Variants in MAD1L1 observed in about 807,000 individuals in gnomAD.
MAD1L1 encodes the protein mitotic arrest deficient 1 like 1, also known as mitotic spindle assembly checkpoint protein MAD1.
A neutral mutation model predicts 96.9 loss-of-function variants in MAD1L1; 95 were observed. The observed-to-expected ratio is 0.98, with a 90% CI of 0.83 to 1.16. The LOEUF is 1.16. Among genes scored for constraint, MAD1L1 ranks in the 50% most tolerant of loss-of-function variants. The pLI, the probability that MAD1L1 is intolerant of heterozygous loss-of-function variation, is 0.00. For synonymous variants in MAD1L1, 473 were observed against 396.6 expected (o/e 1.19, Z -2.29); for missense variants, 1,007 against 954.4 (o/e 1.06, Z -0.73).
At position 1,853,658 on chromosome 7, in the gene MAD1L1, CT is replaced by C. The variant is rs558091572; in HGVS notation, c.1999-37431del. 1.5e-4 allele frequency among the ~76,000 whole-genome samples: 23 copies of C among 152,318 alleles called. No homozygotes were observed. In the South Asian group the frequency reaches 4.3e-3, roughly 29 times the overall value. On this transcript the variant is annotated intron_variant, in intron 18 of 18. Transcript: ENST00000265854. ...CCGCCCTGCACACCCACACGCCTCC[CT>C]CTGCACGGGGGCCCCCTGCCTCTCC... is the stretch of plus-strand genomic sequence containing the variant.
chr7:1,986,843 G>C (rs1003787509), intron 14 of MAD1L1, among the ~76,000 whole-genome samples: 9 of 152,112 alleles, frequency 5.9e-5, no homozygotes, highest in Admixed American at 3.3e-4. Flanking sequence ...TGTAACCTTA[G>C]ACTCATAAGT....
At chr7:1,913,783 C>T (rs534253501) in intron 17 of MAD1L1, among the ~76,000 whole-genome samples, 6 of 152,260 alleles carry the variant, frequency 3.9e-5, no homozygotes, top group African/African-American at 7.2e-5. Flanking sequence ...GCAGGCCGTC[C>T]GGATTCCGTG....
At chr7:1,894,108 G>A (rs1786720037) in intron 18 of MAD1L1, among the ~76,000 whole-genome samples, 1 of 152,192 alleles carries the variant, frequency 6.6e-6, no homozygotes, top group African/African-American at 2.4e-5. Context: ...CTGTCACCAA[G>A]CTTGGTGTCC....
intron 10 of MAD1L1, among the ~76,000 whole-genome samples, chr7:2,173,918 C>T (rs574527158): frequency 6.6e-6 from 1 of 152,310 alleles, no homozygotes; most frequent in East Asian, 1.9e-4. Flanking sequence ...CCTGCCTCAG[C>T]CCTCCGTACC....
intron 11 of MAD1L1, among the ~76,000 whole-genome samples, chr7:2,126,412 G>C (rs1249191671): frequency 2.0e-5 from 3 of 152,208 alleles, no homozygotes; most frequent in African/African-American, 7.2e-5. Flanking sequence ...ATGTGGACCA[G>C]ACCACTGGAG....
At chr7:2,178,044 A>T (rs531560538) in intron 10 of MAD1L1, among the ~76,000 whole-genome samples, 2 of 152,354 alleles carry the variant, frequency 1.3e-5, no homozygotes, top group South Asian at 4.1e-4. Flanking sequence ...AATTAATTAC[A>T]CAGAACTAAA....
chr7:1,825,370 C>T (rs1235866773), intron 18 of MAD1L1, among the ~76,000 whole-genome samples: 5 of 152,222 alleles, frequency 3.3e-5, no homozygotes, highest in African/African-American at 7.2e-5. Context: ...GCCAGGCTGG[C>T]GTCATGGCTG....
chr7:1,855,382 C>A (rs537128753), intron 18 of MAD1L1, among the ~76,000 whole-genome samples: 1 of 152,142 alleles, frequency 6.6e-6, no homozygotes, highest in East Asian at 1.9e-4. Flanking sequence ...TTAAGTTCCG[C>A]TTCCTTCTGC....
intron 11 of MAD1L1, among the ~76,000 whole-genome samples, chr7:2,094,330 A>G (rs980759638): frequency 2.6e-5 from 4 of 152,072 alleles, no homozygotes; most frequent in African/African-American, 9.7e-5. Flanking sequence ...CGGGACACGC[A>G]CTCACCCACA....
chr7:1,859,048 C>T (rs1460114121), intron 18 of MAD1L1, among the ~76,000 whole-genome samples: 4 of 82,578 alleles, frequency 4.8e-5, no homozygotes. Context: ...AGCAGACCTC[C>T]ACACCAAACC....
chr7:2,150,227 C>T (rs1789503490), intron 10 of MAD1L1, among the ~76,000 whole-genome samples: 1 of 152,178 alleles, frequency 6.6e-6, no homozygotes, highest in South Asian at 2.1e-4. Context: ...AGAGCAGCCT[C>T]GGGTGGATCC....
At chr7:2,051,322 G>A (rs1408015062) in intron 12 of MAD1L1, among the ~76,000 whole-genome samples, 2 of 152,190 alleles carry the variant, frequency 1.3e-5, no homozygotes, top group Non-Finnish European at 2.9e-5. Context: ...AAGCTGAGGG[G>A]GACTGGGAAT....
intron 15 of MAD1L1, among the ~76,000 whole-genome samples, chr7:1,960,621 G>T (rs934594664): frequency 2.0e-5 from 3 of 152,192 alleles, no homozygotes; most frequent in African/African-American, 7.2e-5. Context: ...AAACATGTGT[G>T]TGCTAATAAA....
At chr7:2,070,867 T>C (rs1785091649) in intron 11 of MAD1L1, among the ~76,000 whole-genome samples, 1 of 152,254 alleles carries the variant, frequency 6.6e-6, no homozygotes, top group Non-Finnish European at 1.5e-5. Flanking sequence ...CTTAGTTGCA[T>C]GACTTGAGGA....
intron 1 of MAD1L1, 41 bp downstream of exon 1, chr7:2,232,831 G>A (rs1325023724): frequency 2.0e-5 from 3 of 152,310 alleles, no homozygotes; most frequent in East Asian, 3.9e-4. Context: ...GGACCCCCGG[G>A]ACCCCGGGAC....
At chr7:2,154,503 G>A (rs1159282863) in intron 10 of MAD1L1, among the ~76,000 whole-genome samples, 2 of 152,158 alleles carry the variant, frequency 1.3e-5, no homozygotes, top group Admixed American at 6.5e-5. Flanking sequence ...TTCCCAATAC[G>A]TGGAAATGAT....
intron 11 of MAD1L1, among the ~76,000 whole-genome samples, chr7:2,081,885 C>A (rs1785669555): frequency 6.6e-6 from 1 of 152,184 alleles, no homozygotes; most frequent in Non-Finnish European, 1.5e-5. Flanking sequence ...ATCACGGGAC[C>A]CCTGGGGAGA....
At chr7:2,104,569 C>A (rs1037997430) in intron 11 of MAD1L1, among the ~76,000 whole-genome samples, 4 of 152,250 alleles carry the variant, frequency 2.6e-5, no homozygotes, top group African/African-American at 9.6e-5. Context: ...AACTACAGAT[C>A]TTCCACGAAA....
In MAD1L1 at chr7:2,034,698, C is replaced by T. The variant is rs560334382; in HGVS notation, c.1219-20056G>A. ...CACTCGGCTGCCTCCATGGCACCTG[C>T]GCACGTGGGTGTCCGTGAGTGCTTA... On this transcript the variant is annotated intron_variant, in intron 12 of 18. Transcript: ENST00000265854. Among the ~76,000 whole-genome samples the T allele has an allele frequency of 3.0e-3, 455 of 152,340 alleles. 3 individuals carry two copies. The highest frequency in any genetic ancestry group is 5.5e-3 in the Non-Finnish European group (372 of 68,028).
Sources: allele counts gnomAD v4.1 joint callset (sites outside exome capture counted in the v4.1 genomes callset), GRCh38; gene constraint gnomAD v4.1.1; transcripts MANE v1.5; gene names NCBI Gene and HGNC (gene_info 2026-07-23, HGNC 2026-07-21).